Variants in HCN1 observed in about 807,000 individuals in gnomAD.
The protein encoded by HCN1 is hyperpolarization activated cyclic nucleotide gated potassium channel 1.
A neutral mutation model predicts 78.9 loss-of-function variants in HCN1; 13 were observed. That is an observed-to-expected ratio of 0.16 (90% CI 0.11 to 0.26). HCN1 has a LOEUF of 0.26. HCN1 is among the 10% of genes least tolerant of loss of function. The pLI, the probability that HCN1 is intolerant of heterozygous loss-of-function variation, is 1.00. For synonymous variants in HCN1, 552 were observed against 455.5 expected (o/e 1.21, Z -2.70); for missense variants, 810 against 1,154.3 (o/e 0.70, Z 4.32).
chr5:45,298,480 T>G (rs966147360), intron 6 of HCN1, among the ~76,000 whole-genome samples: 1 of 151,724 alleles, frequency 6.6e-6, no homozygotes, highest in Non-Finnish European at 1.5e-5. Flanking sequence ...AAGAAAAAAT[T>G]TACCCACAAT....
intron 2 of HCN1, among the ~76,000 whole-genome samples, chr5:45,515,037 T>C (rs1270932417): frequency 6.6e-6 from 1 of 152,006 alleles, no homozygotes; most frequent in Non-Finnish European, 1.5e-5. Flanking sequence ...TATGATAATT[T>C]AGAGATAAGA....
chr5:45,654,960 CTG>C (rs1483012434), intron 1 of HCN1, among the ~76,000 whole-genome samples: 2 of 152,076 alleles, frequency 1.3e-5, no homozygotes, highest in Non-Finnish European at 2.9e-5. Flanking sequence ...AGTCACCTCC[CTG>C]TGTTTTTTGT....
chr5:45,676,221 A>AGTATGACCTG (rs1447496697), intron 1 of HCN1, among the ~76,000 whole-genome samples: 1 of 151,768 alleles, frequency 6.6e-6, no homozygotes, highest in Non-Finnish European at 1.5e-5. Context: ...CTGCTTTTTC[A>AGTATGACCTG]TCATGAATAT....
At chr5:45,377,685 T>C (rs1747712342) in intron 4 of HCN1, among the ~76,000 whole-genome samples, 1 of 152,072 alleles carries the variant, frequency 6.6e-6, no homozygotes, top group South Asian at 2.1e-4. Flanking sequence ...GTGTTTTAGC[T>C]TAATTATTTC....
At chr5:45,470,182 C>T (rs78004868) in intron 2 of HCN1, among the ~76,000 whole-genome samples, 4,630 of 151,944 alleles carry the variant, frequency 0.03, 273 homozygotes, top group African/African-American at 0.1. Context: ...CAGTCAAGTG[C>T]GGAATATTAA....
At chr5:45,546,246 C>G (rs560299748) in intron 2 of HCN1, among the ~76,000 whole-genome samples, 19 of 151,972 alleles carry the variant, frequency 1.3e-4, no homozygotes, top group African/African-American at 3.4e-4. Context: ...AATTTAGACT[C>G]CAATTGGCCT....
At chr5:45,333,887 CCTGA>C (rs1220634709) in intron 5 of HCN1, among the ~76,000 whole-genome samples, 3 of 151,720 alleles carry the variant, frequency 2.0e-5, no homozygotes, top group African/African-American at 4.8e-5. Context: ...TTTGTTATTG[CCTGA>C]CTTTTAGATA....
chr5:45,601,548 G>C (rs1185805869), intron 2 of HCN1, among the ~76,000 whole-genome samples: 1 of 152,058 alleles, frequency 6.6e-6, no homozygotes, highest in Non-Finnish European at 1.5e-5. Context: ...AATCAGATTG[G>C]AGTAAGGGCC....
chr5:45,383,920 A>AAAAC (rs532489361), intron 4 of HCN1, among the ~76,000 whole-genome samples: 198 of 152,256 alleles, frequency 1.3e-3, no homozygotes, highest in African/African-American at 4.7e-3. Context: ...CACAAAAAAC[A>AAAAC]AAACAAACAA....
chr5:45,371,501 G>GTA (rs1747357315), intron 4 of HCN1, among the ~76,000 whole-genome samples: 1 of 151,894 alleles, frequency 6.6e-6, no homozygotes, highest in Non-Finnish European at 1.5e-5. Context: ...ACTCATGCCT[G>GTA]TAATCCCAGC....
chr5:45,317,658 C>A (rs1018388773), intron 5 of HCN1, among the ~76,000 whole-genome samples: 3 of 152,044 alleles, frequency 2.0e-5, no homozygotes, highest in African/African-American at 7.2e-5. Context: ...TTTTTGCAAC[C>A]TACTCATCTG....
intron 6 of HCN1, among the ~76,000 whole-genome samples, chr5:45,275,041 T>C (rs1402223510): frequency 1.3e-5 from 2 of 151,834 alleles, no homozygotes; most frequent in Non-Finnish European, 2.9e-5. Flanking sequence ...AGGTCAGGAG[T>C]TTAAGACCAG....
intron 3 of HCN1, among the ~76,000 whole-genome samples, chr5:45,426,704 C>G (rs187163571): frequency 6.6e-6 from 1 of 152,056 alleles, no homozygotes; most frequent in Non-Finnish European, 1.5e-5. Context: ...AGCATGAGAA[C>G]GAACTAATAC....
intron 2 of HCN1, among the ~76,000 whole-genome samples, chr5:45,593,657 A>ATTATTG (rs1385101262): frequency 1.3e-5 from 2 of 149,218 alleles, no homozygotes; most frequent in Non-Finnish European, 3.0e-5. Context: ...TATTATTATT[A>ATTATTG]TTATTATTAT....
intron 6 of HCN1, among the ~76,000 whole-genome samples, chr5:45,278,151 C>A (rs1501363): frequency 1.3e-5 from 2 of 152,040 alleles, no homozygotes; most frequent in African/African-American, 4.8e-5. Context: ...CATCTCTACT[C>A]GTGACCTCTT....
chr5:45,640,577 C>CTT (rs1319334376), intron 2 of HCN1, among the ~76,000 whole-genome samples: 2 of 138,630 alleles, frequency 1.4e-5, no homozygotes, highest in African/African-American at 2.6e-5. Flanking sequence ...AAGTCTGATT[C>CTT]TTTTTTTTTT....
intron 2 of HCN1, among the ~76,000 whole-genome samples, chr5:45,522,840 CT>C (rs201120014): frequency 1.3e-4 from 19 of 150,882 alleles, no homozygotes; most frequent in South Asian, 6.3e-4. Context: ...GCTTTCACAT[CT>C]TTTTTTTTCC....
intron 2 of HCN1, among the ~76,000 whole-genome samples, chr5:45,595,683 T>A (rs541736976): frequency 7.9e-5 from 12 of 152,254 alleles, no homozygotes; most frequent in African/African-American, 2.4e-4. Context: ...CTATGCTGGC[T>A]CTTCCCCTTA....
intron 4 of HCN1, among the ~76,000 whole-genome samples, chr5:45,363,132 TTATATATATATACA>T (rs1747154941): frequency 1.7e-5 from 2 of 116,064 alleles, no homozygotes; most frequent in Admixed American, 9.5e-5. Context: ...ATATAACATA[TTATATATATATACA>T]TATATATATA....
Sources: gnomAD v4.1 joint callset for allele counts (sites outside exome capture counted in the v4.1 genomes callset) on GRCh38, gnomAD v4.1.1 for gene constraint, MANE v1.5 for transcripts, NCBI Gene and HGNC (gene_info 2026-07-23, HGNC 2026-07-21) for gene names.